Variants in TXNRD1 observed in about 807,000 individuals in gnomAD.
TXNRD1 encodes the protein thioredoxin reductase 1, cytoplasmic.
In TXNRD1, 57 loss-of-function variants were observed where a neutral mutation model predicts 80.3. The observed-to-expected ratio is 0.71, with a 90% CI of 0.57 to 0.89. The LOEUF (loss-of-function observed/expected upper bound fraction) is 0.89. TXNRD1 is among the 40% of genes least tolerant of loss of function. The pLI, the probability that TXNRD1 is intolerant of heterozygous loss-of-function variation, is 0.00. For missense variants in TXNRD1, 730 were observed against 803.0 expected (o/e 0.91, Z 1.10); for synonymous variants, 291 against 285.2 (o/e 1.02, Z -0.20).
intron 14 of TXNRD1, among the ~76,000 whole-genome samples, chr12:104,332,859 A>C (rs2135867299): frequency 6.6e-6 from 1 of 151,842 alleles, no homozygotes; most frequent in East Asian, 1.9e-4. Context: ...ACTGCTATTA[A>C]TATTTTTGTG....
chr12:104,257,870 A>C, intron 2 of TXNRD1, 149 bp from the exon 3 acceptor site: 1 of 630,478 alleles, frequency 1.6e-6, no homozygotes, highest in Middle Eastern at 2.7e-4. Context: ...GTCAACAGGG[A>C]GAATCTTATG....
Position 104,348,416 on chromosome 12 carries a change from G to A in TXNRD1, c.1945G>A (p.Gly649Ser). The change falls in exon 17 of 17, where the codon GGT (glycine) becomes AGT (serine). Residue 649 changes from glycine (G) to serine (S), a missense_variant. Transcript: ENST00000525566. ...GASILQAGCU[G>S] ...AAGCATCCTCCAGGCTGGCTGCTGA[G>A]GTTAAGCCCCAGTGTGGATGCTGTT... 6.2e-7 allele frequency: 1 copy of A among 1,613,996 alleles called. No homozygotes were observed. The highest frequency in any genetic ancestry group is 8.5e-7 in the Non-Finnish European group (1 of 1,179,876).
At chr12:104,270,162 A>AT (rs979302787) in intron 3 of TXNRD1, among the ~76,000 whole-genome samples, 8 of 152,180 alleles carry the variant, frequency 5.3e-5, no homozygotes, top group African/African-American at 1.4e-4. Flanking sequence ...ACTTCTTCCC[A>AT]TGAATCATGA....
intron 15 of TXNRD1, among the ~76,000 whole-genome samples, chr12:104,337,239 G>A (rs1565913474): frequency 6.6e-6 from 1 of 151,888 alleles, no homozygotes; most frequent in Admixed American, 6.6e-5. Flanking sequence ...GGAATCGTCA[G>A]GGCGAATATG....
Position 104,227,519 on chromosome 12 carries a change from G to A in TXNRD1, c.91+11626G>A, listed in dbSNP as rs184944541. On this transcript the variant is annotated intron_variant, in intron 1 of 16. Transcript: ENST00000525566. ...TGGCATCAAGCCATCCTCCCTCCTG[G>A]GCCTCCCAAAGTGCTGTGATTACAG... Among the ~76,000 whole-genome samples, 90 of 152,146 alleles carry A rather than the reference G, an allele frequency of 5.9e-4. 1 individual carries two copies. The highest frequency in any genetic ancestry group is 2.1e-3 in the African/African-American group (87 of 41,498).
At chr12:104,265,883 C>T (rs1447493160) in intron 3 of TXNRD1, 157 of 1,007,520 alleles carry the variant, frequency 1.6e-4, no homozygotes, top group Admixed American at 3.0e-4. Flanking sequence ...AACTCAGGAA[C>T]GCCCCGGTGG....
At chr12:104,258,101 A>T in intron 3 of TXNRD1, 22 bp downstream of exon 3, 2 of 1,479,664 alleles carry the variant, frequency 1.4e-6, no homozygotes, top group Non-Finnish European at 1.8e-6. Flanking sequence ...TTTAATATGT[A>T]AATCATAGCT....
intron 10 of TXNRD1, among the ~76,000 whole-genome samples, chr12:104,323,573 C>T (rs1429878970): frequency 9.5e-5 from 11 of 115,446 alleles, no homozygotes; most frequent in African/African-American, 4.2e-4. Flanking sequence ...GCTGGCCGGG[C>T]GGGGGGCTGA....
chr12:104,261,882 G>A (rs1445882109), intron 3 of TXNRD1, among the ~76,000 whole-genome samples: 3 of 152,012 alleles, frequency 2.0e-5, no homozygotes, highest in Non-Finnish European at 2.9e-5. Flanking sequence ...CCAAGTAGAT[G>A]GGATTACAGG....
chr12:104,331,922 T>A (rs1304656687), intron 14 of TXNRD1, among the ~76,000 whole-genome samples: 2 of 152,144 alleles, frequency 1.3e-5, no homozygotes, highest in Non-Finnish European at 2.9e-5. Flanking sequence ...GGGCATTTTC[T>A]TATATAGCCG....
At chr12:104,289,623 A>G (rs2135746368) in intron 4 of TXNRD1, 1 of 152,752 alleles carries the variant, frequency 6.5e-6, no homozygotes, top group South Asian at 2.0e-4. Context: ...CAAACGCAGT[A>G]GAAATCCTTC....
chr12:104,242,943 A>G (rs894198149), intron 1 of TXNRD1, among the ~76,000 whole-genome samples: 2 of 152,204 alleles, frequency 1.3e-5, no homozygotes, highest in Non-Finnish European at 2.9e-5. Context: ...ATATAATCAT[A>G]TTAGAATACA....
chr12:104,293,368 C>T (rs373084869), intron 4 of TXNRD1, among the ~76,000 whole-genome samples: 7 of 152,268 alleles, frequency 4.6e-5, no homozygotes, highest in African/African-American at 9.6e-5. Context: ...AGGCACCAAG[C>T]AATGCGGGAT....
chr12:104,324,972 A>G (rs754430460), intron 10 of TXNRD1, among the ~76,000 whole-genome samples: 9 of 152,202 alleles, frequency 5.9e-5, no homozygotes, highest in Non-Finnish European at 1.2e-4. Context: ...GTTGCCCTCC[A>G]TGGGATTAAT....
At chr12:104,305,306 T>A (rs762674396) in intron 4 of TXNRD1, 39 of 158,564 alleles carry the variant, frequency 2.5e-4, no homozygotes, top group Admixed American at 3.9e-4. Flanking sequence ...ACCAAGAGAA[T>A]CCCAGAAAGG....
At chr12:104,258,206 T>C in intron 3 of TXNRD1, 127 bp downstream of exon 3, 1 of 686,068 alleles carries the variant, frequency 1.5e-6, no homozygotes, top group Non-Finnish European at 2.4e-6. Flanking sequence ...AGCTGATTCT[T>C]CTTTTTGGTC....
At chr12:104,218,929 A>G (rs1276295854) in intron 1 of TXNRD1, among the ~76,000 whole-genome samples, 1 of 152,028 alleles carries the variant, frequency 6.6e-6, no homozygotes, top group Non-Finnish European at 1.5e-5. Flanking sequence ...CTATACACAT[A>G]CATATATACA....
intron 7 of TXNRD1, among the ~76,000 whole-genome samples, chr12:104,318,612 A>C: frequency 6.6e-6 from 1 of 152,340 alleles, no homozygotes; most frequent in East Asian, 1.9e-4. Flanking sequence ...CTAAGCCTTA[A>C]TATATCCCAG....
chr12:104,338,086 A>T (rs1593874195), intron 15 of TXNRD1, among the ~76,000 whole-genome samples: 2 of 150,464 alleles, frequency 1.3e-5, no homozygotes, highest in East Asian at 3.9e-4. Flanking sequence ...TTGAGCTATG[A>T]TGCCCAGTCA....
Sources: gnomAD v4.1 joint callset for allele counts (sites outside exome capture counted in the v4.1 genomes callset) on GRCh38, gnomAD v4.1.1 for gene constraint, MANE v1.5 for transcripts, NCBI Gene and HGNC (gene_info 2026-07-23, HGNC 2026-07-21) for gene names.